Variants in DSP observed in about 807,000 individuals in gnomAD.
The protein encoded by DSP is 250/210 kDa paraneoplastic pemphigus antigen.
Under a neutral mutation model 290.6 loss-of-function variants are expected in DSP, and 114 were observed. The observed-to-expected ratio is 0.39, with a 90% confidence interval of 0.34 to 0.46. DSP has a LOEUF of 0.46. Ranked by LOEUF, DSP falls within the 20% of genes least tolerant of loss-of-function variation. The pLI is 0.99. For synonymous variants in DSP, 1,311 were observed against 1,316.4 expected (o/e 1.00, Z 0.09); for missense variants, 3,230 against 3,495.8 (o/e 0.92, Z 1.92).
At position 7,581,009 on chromosome 6, in the gene DSP, G is replaced by T; in HGVS notation, c.4819G>T (p.Glu1607Ter). ...GGAAGGCATGAGGAGGTCGCTGAAG[G>T]AGCAAGCCATCAAAATCACCAACCT... ...ELEGMRRSLKEQAIKITNLTQ... is the reference protein window; with the variant it reads ...ELEGMRRSLK Residue 1607 changes from glutamate (E) to a stop codon, truncating the protein, a stop_gained, in exon 23 of 24, where the codon GAG becomes TAG. Coordinates refer to ENST00000379802, the MANE Select transcript of DSP (RefSeq NM_004415.4). LOFTEE classifies it high-confidence loss of function. 1 of 1,614,024 alleles carries T rather than the reference G, an allele frequency of 6.2e-7. No individual in the cohort carries two copies. Among genetic ancestry groups the T allele is most frequent in the Non-Finnish European group, 8.5e-7 (1 of 1,180,020 alleles).
At chr6:7,557,597 T>C (rs1758537691) in intron 2 of DSP, among the ~76,000 whole-genome samples, 1 of 152,252 alleles carries the variant, frequency 6.6e-6, no homozygotes, top group South Asian at 2.1e-4. Context: ...GGAGAATCAC[T>C]TGAATCCAGG....
rs1307106764 is a variant in DSP, at chr6:7,581,235, A to G, written c.5045A>G (p.Asn1682Ser). 2.5e-6 allele frequency: 4 copies of G among 1,614,224 alleles called. No homozygotes were observed. In the South Asian group the frequency reaches 4.4e-5, roughly 18 times the overall value. The stretch of plus-strand genomic sequence containing the variant: ...AGTGTCAAACAAGCTCACTTGAGGA[A>G]TGAGCATTTCCAGAAGGCGATAGAA... ...QESVKQAHLRNEHFQKAIEDK... is the reference protein window; with the variant it reads ...QESVKQAHLRSEHFQKAIEDK... The change falls in exon 23 of 24, where the codon AAT (asparagine) becomes AGT (serine). Residue 1682 changes from asparagine (N) to serine (S), a missense_variant. Transcript: ENST00000379802.
intron 1 of DSP, among the ~76,000 whole-genome samples, chr6:7,542,613 G>A (rs1758032731): frequency 6.6e-6 from 1 of 152,126 alleles, no homozygotes. Flanking sequence ...GGACTCCTCG[G>A]CCACCCAAGG....
At position 7,552,405 on chromosome 6, in the gene DSP, A is replaced by G. The variant is rs1229040676; in HGVS notation, c.171-3313A>G. ...ACCCCATCTCTATTAAAAATACAAA[A>G]AAAAAAAAATAGCTGGGCGTGGTGG... On this transcript the variant is annotated intron_variant, in intron 1 of 23. Transcript: ENST00000379802. Among the ~76,000 whole-genome samples, 501 of 150,092 alleles carry G rather than the reference A, an allele frequency of 3.3e-3. 6 individuals carry two copies. Among genetic ancestry groups the G allele is most frequent in the Non-Finnish European group, 6.4e-3 (430 of 67,636 alleles).
rs73718909 is a variant in DSP, at chr6:7,563,058, C to A, written c.726+278C>A. 3.1e-3 allele frequency among the ~76,000 whole-genome samples: 468 copies of A among 152,294 alleles called. 5 individuals are homozygous for A. Among genetic ancestry groups the A allele is most frequent in the African/African-American group, 0.01 (434 of 41,554 alleles). On this transcript the variant is annotated intron_variant, in intron 5 of 23. Coordinates refer to ENST00000379802, the MANE Select transcript of DSP (RefSeq NM_004415.4). ...TCTCTTTAGGGGTGGCAGTTTGTTT[C>A]TGCGGTAAGCAGAACATCTTTTTGA...
chr6:7,566,902 A>T (rs1221612943), intron 8 of DSP, among the ~76,000 whole-genome samples: 1 of 152,248 alleles, frequency 6.6e-6, no homozygotes, highest in African/African-American at 2.4e-5. Flanking sequence ...TGGTATGGCC[A>T]TACTGCTTGT....
At chr6:7,560,515 A>G (rs1182557404) in intron 4 of DSP, among the ~76,000 whole-genome samples, 1 of 152,194 alleles carries the variant, frequency 6.6e-6, no homozygotes, top group Non-Finnish European at 1.5e-5. Flanking sequence ...TTTCTTGAGG[A>G]TTTTATATGT....
rs1759335260 is a variant in DSP at position 7,579,151 on chromosome 6, A to G, written c.3085-124A>G. 3.7e-6 allele frequency: 5 copies of G among 1,340,726 alleles called. No individual in the cohort carries two copies. In the East Asian group the frequency reaches 1.0e-4, roughly 27 times the overall value. 83.1% of individuals were successfully genotyped at this position (1,340,726 alleles called of 1,614,324 possible). A position where few individuals can be genotyped will look rare whatever the true frequency, so the allele number is the denominator to read the frequency against. On this transcript the variant is annotated intron_variant, in intron 22 of 23. Coordinates refer to ENST00000379802, the MANE Select transcript of DSP (RefSeq NM_004415.4). This position sits in a 1 kb window ranked among gnomAD's most constrained non-coding sequence, Gnocchi z 4.1. ...GAATATTTGCCTAGTCACTCTTTGC[A>G]TGTATGTCCATGTGTGTAAAGAGAA... is the stretch of plus-strand genomic sequence containing the variant.
chr6:7,568,148 T>A (rs187486408), intron 10 of DSP, among the ~76,000 whole-genome samples: 2 of 152,358 alleles, frequency 1.3e-5, no homozygotes, highest in East Asian at 3.9e-4. Context: ...GAGAGAACAT[T>A]ACTTCACATG....
chr6:7,551,606 G>C (rs1246023265), intron 1 of DSP, among the ~76,000 whole-genome samples: 1 of 151,374 alleles, frequency 6.6e-6, no homozygotes, highest in Non-Finnish European at 1.5e-5. Context: ...CTCCAGCCTG[G>C]GCGACAGAGT....
chr6:7,552,657 C>T (rs1758377225), intron 1 of DSP, among the ~76,000 whole-genome samples: 1 of 100,830 alleles, frequency 9.9e-6, no homozygotes, highest in East Asian at 2.2e-4. Context: ...ATAAAGTTAC[C>T]TGTTGTTTTT....
chr6:7,583,157 G>T lies in DSP; in HGVS notation c.5895G>T (p.Lys1965Asn). The change falls in exon 24 of 24, where the codon AAG becomes AAT. Residue 1965 changes from lysine (K) to asparagine (N), a missense_variant. By Grantham distance (94) the Lys-to-Asn change is moderately conservative (BLOSUM62 0). Transcript: ENST00000379802. The surrounding 1 kb of genome is among the most constrained non-coding windows in gnomAD (Gnocchi z 4.0). ...TECEWTVDTS[K>N]LVFDGLRKKV... is the part of the protein sequence containing the mutation. ...GTGAGTGGACCGTTGACACCTCCAA[G>T]CTGGTGTTTGATGGGCTGAGGAAGA... 1 of 1,614,090 alleles carries T rather than the reference G, an allele frequency of 6.2e-7. No homozygotes were observed. The highest frequency in any genetic ancestry group is 8.5e-7 in the Non-Finnish European group (1 of 1,180,024).
intron 1 of DSP, among the ~76,000 whole-genome samples, chr6:7,547,997 C>A (rs141142530): frequency 6.6e-6 from 1 of 152,214 alleles, no homozygotes; most frequent in African/African-American, 2.4e-5. Flanking sequence ...CTGCCGGGCG[C>A]GGTGGCTCAC....
chr6:7,574,589 TGA>T, intron 16 of DSP, 66 bp from the exon 17 acceptor site: 1 of 1,606,888 alleles, frequency 6.2e-7, no homozygotes, highest in Non-Finnish European at 8.5e-7. Context: ...TTACTAGCTG[TGA>T]GAGGCAAATC....
chr6:7,544,260 AAT>A (rs1295072291), intron 1 of DSP, among the ~76,000 whole-genome samples: 2 of 152,136 alleles, frequency 1.3e-5, no homozygotes, highest in Non-Finnish European at 2.9e-5. Context: ...GTTTTCAAAT[AAT>A]AGCGACCGCC....
intron 17 of DSP, 127 bp from the exon 18 acceptor site, chr6:7,575,168 T>G: frequency 1.1e-6 from 1 of 910,088 alleles, no homozygotes; most frequent in South Asian, 1.5e-5. Context: ...GGATTGACTG[T>G]TAACACTTTA....
At chr6:7,576,551 A>G (rs1307612609) in intron 19 of DSP, 95 bp downstream of exon 19, 12 of 1,489,202 alleles carry the variant, frequency 8.1e-6, no homozygotes, top group South Asian at 1.1e-5. Context: ...TAGGTTTGAA[A>G]TGATGAATAT....
intron 11 of DSP, among the ~76,000 whole-genome samples, chr6:7,568,935 C>T (rs1758947105): frequency 6.6e-6 from 1 of 152,128 alleles, no homozygotes; most frequent in Non-Finnish European, 1.5e-5. Context: ...GAATGTCTCT[C>T]ACTATGGGTG....
At chr6:7,546,376 A>T (rs1758170999) in intron 1 of DSP, among the ~76,000 whole-genome samples, 1 of 152,240 alleles carries the variant, frequency 6.6e-6, no homozygotes, top group Admixed American at 6.5e-5. Flanking sequence ...CATGGTTATT[A>T]AATTTAACTT....
Sources: allele counts gnomAD v4.1 joint callset (sites outside exome capture counted in the v4.1 genomes callset), GRCh38; gene constraint gnomAD v4.1.1; non-coding constraint Gnocchi (gnomAD v3.1); transcripts MANE v1.5; gene names NCBI Gene and HGNC (gene_info 2026-07-23, HGNC 2026-07-21).